Variants in APBA2 observed in about 807,000 individuals in gnomAD.
The protein encoded by APBA2 is amyloid beta precursor protein binding family A member 2.
In APBA2, 30 loss-of-function variants were observed where a neutral mutation model predicts 75.0. That is an observed-to-expected ratio of 0.40 (90% CI 0.30 to 0.54). APBA2 has a LOEUF of 0.54. Among genes scored for constraint, APBA2 ranks in the 20% least tolerant of loss-of-function variants. The pLI is 0.49. For synonymous variants in APBA2, 444 were observed against 409.6 expected (o/e 1.08, Z -1.01); for missense variants, 801 against 1,016.1 (o/e 0.79, Z 2.88).
chr15:29,076,016 C>T lies in APBA2; in HGVS notation c.1033-39C>T, dbSNP rs371997850. On this transcript the variant is annotated intron_variant, in intron 5 of 14. Coordinates refer to ENST00000683413, the MANE Select transcript of APBA2 (RefSeq NM_001353788.2). Reference sequence around the variant, plus strand: ...TTCACCTTGTGGGCTACCTACTTAACAATTGTTATGTGTTTTATTTTTCCA... The same window carrying T: ...TTCACCTTGTGGGCTACCTACTTAATAATTGTTATGTGTTTTATTTTTCCA... 49 of 1,603,262 alleles carry T rather than the reference C, an allele frequency of 3.1e-5. No homozygotes were observed. In the African/African-American group the frequency reaches 4.9e-4, roughly 16 times the overall value.
intron 1 of APBA2, among the ~76,000 whole-genome samples, chr15:28,912,896 A>G (rs1304421400): frequency 1.3e-5 from 2 of 152,264 alleles, no homozygotes; most frequent in Non-Finnish European, 2.9e-5. Context: ...AAAGACATCC[A>G]TTGATCCATT....
At chr15:29,114,671 G>A (rs1371238472) in intron 14 of APBA2, among the ~76,000 whole-genome samples, 1 of 151,424 alleles carries the variant, frequency 6.6e-6, no homozygotes, top group Non-Finnish European at 1.5e-5. Context: ...ATGAGTGTGG[G>A]TAAGTGTGGG....
intron 4 of APBA2, among the ~76,000 whole-genome samples, chr15:29,074,325 T>TTCTG (rs1408417008): frequency 6.6e-6 from 1 of 152,188 alleles, no homozygotes; most frequent in African/African-American, 2.4e-5. Context: ...AGGAAGGAAA[T>TTCTG]TCTGCCATGT....
chr15:29,014,452 T>C (rs1214317032), intron 3 of APBA2, among the ~76,000 whole-genome samples: 1 of 152,234 alleles, frequency 6.6e-6, no homozygotes, highest in African/African-American at 2.4e-5. Flanking sequence ...ATTTTAGAAC[T>C]GCACTGTCCA....
At chr15:29,077,882 A>G (rs2042917113) in intron 6 of APBA2, among the ~76,000 whole-genome samples, 1 of 152,244 alleles carries the variant, frequency 6.6e-6, no homozygotes, top group South Asian at 2.1e-4. Context: ...GCCAAACCCT[A>G]GAATATAATG....
At position 29,013,434 on chromosome 15, in the gene APBA2, C is replaced by T. The variant is rs532025755; in HGVS notation, c.-41+17628C>T. ...AGCTGGGACTACAGGCGCCCGCCAC[C>T]GCGCCTGGCCAATTTTTTGTATTTT... On this transcript the variant is annotated intron_variant, in intron 3 of 14. Coordinates refer to ENST00000683413, the MANE Select transcript of APBA2 (RefSeq NM_001353788.2). 3.9e-5 allele frequency among the ~76,000 whole-genome samples: 6 copies of T among 152,142 alleles called. No homozygotes were observed. In the South Asian group the frequency reaches 8.3e-4, roughly 21 times the overall value.
intron 3 of APBA2, among the ~76,000 whole-genome samples, chr15:29,012,015 A>G (rs2039427074): frequency 6.6e-6 from 1 of 152,180 alleles, no homozygotes; most frequent in Non-Finnish European, 1.5e-5. Context: ...ATTCACAGAG[A>G]TGTTGCGAAG....
rs777628717 is a variant in APBA2, at chr15:29,117,144, C to T, written c.*11C>T. The T allele has an allele frequency of 2.0e-5, 32 of 1,612,600 alleles. No homozygotes were observed. Among genetic ancestry groups the T allele is most frequent in the African/African-American group, 2.7e-5 (2 of 74,926 alleles). Reference sequence around the variant, plus strand: ...CCGCTGTACATCTAGGCCACCCCAGCCTGGCCACGCAGCCAGGACACCGGG... The same window carrying T: ...CCGCTGTACATCTAGGCCACCCCAGTCTGGCCACGCAGCCAGGACACCGGG... On this transcript the variant is annotated 3_prime_UTR_variant, in exon 15 of 15. Transcript: ENST00000683413.
At chr15:29,034,469 A>G (rs2040644654) in intron 3 of APBA2, among the ~76,000 whole-genome samples, 1 of 152,092 alleles carries the variant, frequency 6.6e-6, no homozygotes, top group African/African-American at 2.4e-5. Flanking sequence ...TTACACACCA[A>G]CTGATTGCCA....
At chr15:28,993,366 T>C (rs982944337) in intron 2 of APBA2, among the ~76,000 whole-genome samples, 6 of 152,182 alleles carry the variant, frequency 3.9e-5, no homozygotes, top group African/African-American at 1.2e-4. Flanking sequence ...AAAATGAATA[T>C]TTTTCTCTGC....
At chr15:28,969,164 C>CTTTCTT (rs2036918953) in intron 2 of APBA2, among the ~76,000 whole-genome samples, 1 of 84,132 alleles carries the variant, frequency 1.2e-5, no homozygotes, top group Non-Finnish European at 1.9e-5. Context: ...TTCTTTCTTT[C>CTTTCTT]TTTCTTTCTT....
rs935608635 is a variant in APBA2, at chr15:29,117,603, C to A, written c.*470C>A. ...TGGTCCCAAACAGCTGCCTCTGCCA[C>A]TGACTGCAGGGACACGGGCAGCCTG... On this transcript the variant is annotated 3_prime_UTR_variant, in exon 15 of 15. Coordinates refer to ENST00000683413, the MANE Select transcript of APBA2 (RefSeq NM_001353788.2). 1 of 175,268 alleles carries A rather than the reference C, an allele frequency of 5.7e-6. No individual in the cohort carries two copies. The highest frequency in any genetic ancestry group is 1.2e-5 in the Non-Finnish European group (1 of 81,994). 10.9% of individuals were successfully genotyped at this position (175,268 alleles called of 1,614,324 possible).
At chr15:29,103,887 C>T (rs1567016699) in intron 10 of APBA2, among the ~76,000 whole-genome samples, 2 of 152,240 alleles carry the variant, frequency 1.3e-5, no homozygotes, top group Non-Finnish European at 1.5e-5. Context: ...TGCCGAGCCC[C>T]ATCAGCTCGC....
chr15:28,933,753 A>T (rs991016466), intron 2 of APBA2, among the ~76,000 whole-genome samples: 2 of 152,156 alleles, frequency 1.3e-5, no homozygotes, highest in Non-Finnish European at 2.9e-5. Flanking sequence ...TCTCCAGAGC[A>T]CCTCTATCCC....
chr15:29,115,605 G>A lies in APBA2; in HGVS notation c.2179-1457G>A, dbSNP rs565229557. 5.3e-5 allele frequency among the ~76,000 whole-genome samples: 8 copies of A among 152,286 alleles called. No homozygotes were observed. The East Asian group carries it at 1.2e-3, about 22-fold the overall frequency. ...CGGCCGGGGCGTTGGAATCCTTTCAGCCCTGCCGAGGTTATGGTGCCTGTT... is the reference window on the plus strand; with the variant it reads ...CGGCCGGGGCGTTGGAATCCTTTCAACCCTGCCGAGGTTATGGTGCCTGTT... On this transcript the variant is annotated intron_variant, in intron 14 of 14. Coordinates refer to ENST00000683413, the MANE Select transcript of APBA2 (RefSeq NM_001353788.2).
chr15:28,988,243 C>A (rs182317456), intron 2 of APBA2, among the ~76,000 whole-genome samples: 1 of 151,302 alleles, frequency 6.6e-6, no homozygotes, highest in Non-Finnish European at 1.5e-5. Context: ...AATGATATCA[C>A]CTTGTATTTT....
At chr15:28,963,385 G>T (rs1470100221) in intron 2 of APBA2, among the ~76,000 whole-genome samples, 1 of 152,198 alleles carries the variant, frequency 6.6e-6, no homozygotes. Flanking sequence ...CCTGTGCCCA[G>T]CACATTGCTG....
chr15:28,994,924 C>T (rs891252824), intron 2 of APBA2, among the ~76,000 whole-genome samples: 7 of 152,156 alleles, frequency 4.6e-5, no homozygotes, highest in Admixed American at 3.3e-4. Context: ...CTGATGCCCC[C>T]GGGAGGAGGC....
chr15:28,972,058 A>T (rs927272024), intron 2 of APBA2, among the ~76,000 whole-genome samples: 4 of 152,160 alleles, frequency 2.6e-5, no homozygotes, highest in African/African-American at 9.7e-5. Context: ...GAGATATGAA[A>T]TGAGAGCTAA....
Sources: gnomAD v4.1 joint callset for allele counts (sites outside exome capture counted in the v4.1 genomes callset) on GRCh38, gnomAD v4.1.1 for gene constraint, MANE v1.5 for transcripts, NCBI Gene and HGNC (gene_info 2026-07-23, HGNC 2026-07-21) for gene names.